The following NEURL1B variants were observed in gnomAD, a reference collection of about 807,000 sequenced individuals.
NEURL1B encodes the protein neuralized E3 ubiquitin protein ligase 1B, also known as E3 ubiquitin-protein ligase NEURL1B.
NEURL1B carries 13 observed loss-of-function variants against 37.4 expected under a neutral mutation model. The observed-to-expected ratio is 0.35, with a 90% CI of 0.23 to 0.55. The LOEUF (loss-of-function observed/expected upper bound fraction) is 0.55. Among genes scored for constraint, NEURL1B ranks in the 20% least tolerant of loss-of-function variants. The pLI is 0.89. For missense variants in NEURL1B, 790 were observed against 879.2 expected (o/e 0.90, Z 1.28); for synonymous variants, 432 against 426.6 (o/e 1.01, Z -0.16).
At position 172,691,155 on chromosome 5, in the gene NEURL1B, A is replaced by C. The variant is rs1758648905; in HGVS notation, c.*4230A>C. On this transcript the variant is annotated 3_prime_UTR_variant, in exon 5 of 5. Transcript: ENST00000369800. ...ATCCTTTTTAAAAGCAACTTTTAAA[A>C]GTGGATGGGGAGGGGGGCTAGCATA... 6.6e-6 allele frequency: 1 copy of C among 152,218 alleles called. No homozygotes were observed. Among genetic ancestry groups the C allele is most frequent in the African/African-American group, 2.4e-5 (1 of 41,458 alleles). 9.4% of individuals were successfully genotyped at this position (152,218 alleles called of 1,614,324 possible). A position where few individuals can be genotyped will look rare whatever the true frequency, so the allele number is the denominator to read the frequency against.
At position 172,691,218 on chromosome 5, in the gene NEURL1B, A is replaced by T. The variant is rs1758651229; in HGVS notation, c.*4293A>T. 1 of 152,096 alleles carries T rather than the reference A, an allele frequency of 6.6e-6. No individual in the cohort carries two copies. The highest frequency in any genetic ancestry group is 1.5e-5 in the Non-Finnish European group (1 of 68,026). 9.4% of individuals were successfully genotyped at this position (152,096 alleles called of 1,614,324 possible). A position where few individuals can be genotyped will look rare whatever the true frequency, so the allele number is the denominator to read the frequency against. ...CTAGAAATCTGTGGTCATCGCTGAAATCCTTTTTGCATCATGTTTTTTGAT... is the reference window on the plus strand; with the variant it reads ...CTAGAAATCTGTGGTCATCGCTGAATTCCTTTTTGCATCATGTTTTTTGAT... On this transcript the variant is annotated 3_prime_UTR_variant, in exon 5 of 5. Coordinates refer to ENST00000369800, the MANE Select transcript of NEURL1B (RefSeq NM_001142651.3).
At position 172,670,131 on chromosome 5, in the gene NEURL1B, G is replaced by C; in HGVS notation, c.378G>C (p.Pro126=). The C allele has an allele frequency of 6.6e-7, 1 of 1,513,410 alleles. No homozygotes were observed. Among genetic ancestry groups the C allele is most frequent in the South Asian group, 1.2e-5 (1 of 80,902 alleles). The allele number at this position is 1,513,410 out of a possible 1,614,324, so 93.7% of individuals were successfully genotyped here. A position where few individuals can be genotyped will look rare whatever the true frequency, so the allele number is the denominator to read the frequency against. ...CCTGCCCGGACCTGGTCACGCGGCCGGGCTACTGGGCCAAGGCACTGCCCG... is the reference window on the plus strand; with the variant it reads ...CCTGCCCGGACCTGGTCACGCGGCCCGGCTACTGGGCCAAGGCACTGCCCG... ...KYACPDLVTR[P]GYWAKALPEN... The change falls in exon 2 of 5, where the codon CCG becomes CCC. Residue 126 remains proline (P), a synonymous_variant. Transcript: ENST00000369800.
At chr5:172,673,920 C>T (rs1758179936) in intron 2 of NEURL1B, among the ~76,000 whole-genome samples, 1 of 151,954 alleles carries the variant, frequency 6.6e-6, no homozygotes, top group East Asian at 1.9e-4. Flanking sequence ...AGGCGGATCA[C>T]CTGAGGTCAG....
chr5:172,665,954 G>A lies in NEURL1B; in HGVS notation c.32-3831G>A, dbSNP rs190387142. On this transcript the variant is annotated intron_variant, in intron 1 of 4. Coordinates refer to ENST00000369800, the MANE Select transcript of NEURL1B (RefSeq NM_001142651.3). The surrounding 1 kb of genome is among the most constrained non-coding windows in gnomAD (Gnocchi z 4.1). ...GAAGGCAGGATGTGTGTGATCTGCA[G>A]AAAGAATAACTGGATGAAGAAATGA... is the stretch of plus-strand genomic sequence containing the variant. 1.3e-5 allele frequency among the ~76,000 whole-genome samples: 2 copies of A among 152,296 alleles called. No individual in the cohort carries two copies. The highest frequency in any genetic ancestry group is 1.3e-4 in the Admixed American group (2 of 15,302).
rs1000578737 is a variant in NEURL1B, at chr5:172,687,042, G to A, written c.*117G>A. 8.9e-6 allele frequency: 11 copies of A among 1,241,926 alleles called. No individual in the cohort carries two copies. Among genetic ancestry groups the A allele is most frequent in the African/African-American group, 3.0e-5 (2 of 66,500 alleles). The allele number at this position is 1,241,926 out of a possible 1,614,324, so 76.9% of individuals were successfully genotyped here. ...GGCAGCGGCCATCTCTCCAGTGGTG[G>A]GCAAGGTGTGACAGTCGTGGAGCGA... On this transcript the variant is annotated 3_prime_UTR_variant, in exon 5 of 5. Transcript: ENST00000369800.
At chr5:172,659,988 G>A (rs1179361677) in intron 1 of NEURL1B, among the ~76,000 whole-genome samples, 1 of 152,242 alleles carries the variant, frequency 6.6e-6, no homozygotes, top group African/African-American at 2.4e-5. Flanking sequence ...CCTTGCAGCT[G>A]GTCTCAGCTC....
rs1757584694 is a variant in NEURL1B, at chr5:172,647,680, AAATG to A, written c.31+6246_31+6249del. Among the ~76,000 whole-genome samples, 1 of 152,084 alleles carries A rather than the reference AAATG, an allele frequency of 6.6e-6. No individual in the cohort carries two copies. The highest frequency in any genetic ancestry group is 2.1e-4 in the South Asian group (1 of 4,824). ...GAATTACTTCTGTCCACAGCCGCCAAAATGAAGCTGTGCCTAGAGAAGCCCCCTG... is the reference window on the plus strand; with the variant it reads ...GAATTACTTCTGTCCACAGCCGCCAAAAGCTGTGCCTAGAGAAGCCCCCTG... On this transcript the variant is annotated intron_variant, in intron 1 of 4. Transcript: ENST00000369800. The surrounding 1 kb of genome is among the most constrained non-coding windows in gnomAD (Gnocchi z 4.2).
chr5:172,649,011 C>G (rs141590366), intron 1 of NEURL1B, among the ~76,000 whole-genome samples: 4 of 152,332 alleles, frequency 2.6e-5, no homozygotes, highest in African/African-American at 9.6e-5. Context: ...CTGTGGTGGC[C>G]TGAGAGCTGC....
At position 172,687,238 on chromosome 5, in the gene NEURL1B, G is replaced by T. The variant is rs1758523182; in HGVS notation, c.*313G>T. 1 of 289,700 alleles carries T rather than the reference G, an allele frequency of 3.5e-6. No homozygotes were observed. Among genetic ancestry groups the T allele is most frequent in the Non-Finnish European group, 6.6e-6 (1 of 151,832 alleles). The allele number at this position is 289,700 out of a possible 1,614,324, so 17.9% of individuals were successfully genotyped here. On this transcript the variant is annotated 3_prime_UTR_variant, in exon 5 of 5. Coordinates refer to ENST00000369800, the MANE Select transcript of NEURL1B (RefSeq NM_001142651.3). ...CTGTCTGTGCAATGCTTCTTGCTGG[G>T]GTTGGGTTGAGTGTGAGAGAAGGGG...
At chr5:172,659,042 C>T (rs866512267) in intron 1 of NEURL1B, among the ~76,000 whole-genome samples, 3 of 136,404 alleles carry the variant, frequency 2.2e-5, no homozygotes, top group African/African-American at 7.9e-5. Flanking sequence ...CCGCCCCCCC[C>T]CCCCCAAAGC....
intron 1 of NEURL1B, chr5:172,662,041 C>A (rs1370523132): frequency 6.6e-6 from 1 of 152,212 alleles, no homozygotes; most frequent in African/African-American, 2.4e-5. Context: ...TTCCCAGCTG[C>A]CACAGGTAGG....
intron 1 of NEURL1B, among the ~76,000 whole-genome samples, chr5:172,651,775 C>G (rs1286985441): frequency 2.0e-5 from 3 of 152,204 alleles, no homozygotes; most frequent in Non-Finnish European, 4.4e-5. Flanking sequence ...GACTCAAATC[C>G]TGCAGCTATT....
chr5:172,686,612 G>C lies in NEURL1B; in HGVS notation c.1424-69G>C. The C allele has an allele frequency of 1.3e-6, 2 of 1,486,054 alleles. No homozygotes were observed. Among genetic ancestry groups the C allele is most frequent in the South Asian group, 2.5e-5 (2 of 78,580 alleles). The allele number at this position is 1,486,054 out of a possible 1,614,324, so 92.1% of individuals were successfully genotyped here. On this transcript the variant is annotated intron_variant, in intron 4 of 4. Coordinates refer to ENST00000369800, the MANE Select transcript of NEURL1B (RefSeq NM_001142651.3). The surrounding 1 kb of genome is among the most constrained non-coding windows in gnomAD (Gnocchi z 7.9). Reference sequence around the variant, plus strand: ...TCCCAGCAAGAAGCCCTGCATTCTCGGGGTTGCCCCAACAGAGCCCACCTG... The same window carrying C: ...TCCCAGCAAGAAGCCCTGCATTCTCCGGGTTGCCCCAACAGAGCCCACCTG...
intron 1 of NEURL1B, among the ~76,000 whole-genome samples, chr5:172,666,069 C>G (rs1379965808): frequency 6.6e-6 from 1 of 152,184 alleles, no homozygotes; most frequent in African/African-American, 2.4e-5. Context: ...CAACAGGCAG[C>G]CTCTTGCCTC....
Position 172,686,205 on chromosome 5 carries a change from A to G in NEURL1B, c.1332A>G (p.Pro444=), listed in dbSNP as rs1186246155. The G allele has an allele frequency of 2.6e-6, 4 of 1,551,568 alleles. No individual in the cohort carries two copies. Among genetic ancestry groups the G allele is most frequent in the African/African-American group, 1.4e-5 (1 of 73,074 alleles). ...AGTCCAGCCCTGCGACCACGACTCCATCAGGGTCCCTCAGCGGCTCCCAGG... is the reference window on the plus strand; with the variant it reads ...AGTCCAGCCCTGCGACCACGACTCCGTCAGGGTCCCTCAGCGGCTCCCAGG... ...TLQSSPATTT[P]SGSLSGSQDD... Residue 444 remains proline (P), a synonymous_variant, in exon 4 of 5, where the codon CCA becomes CCG. Transcript: ENST00000369800. This position sits in a 1 kb window ranked among gnomAD's most constrained non-coding sequence, Gnocchi z 7.9.
In NEURL1B at chr5:172,684,072, AC is replaced by A; in HGVS notation, c.1233del (p.Thr412ArgfsTer48). On this transcript the variant is annotated frameshift_variant, in exon 3 of 5. Transcript: ENST00000369800. LOFTEE classifies it high-confidence loss of function. ...GCGCGGCCGCCTGCTGTGCGTCGAC[AC>A]CACGCAGGCGCTCTGGGCCTTCTTC... ...RPRGRLLCVD[T>X]TQALWAFFAV... The A allele has an allele frequency of 7.6e-7, 1 of 1,319,260 alleles. No homozygotes were observed. Among genetic ancestry groups the A allele is most frequent in the Non-Finnish European group, 9.7e-7 (1 of 1,033,834 alleles). The allele number at this position is 1,319,260 out of a possible 1,614,324, so 81.7% of individuals were successfully genotyped here.
intron 2 of NEURL1B, 98 bp downstream of exon 2, chr5:172,670,428 C>A (rs1031666997): frequency 1.8e-5 from 18 of 1,010,266 alleles, no homozygotes; most frequent in Middle Eastern, 3.1e-4. Flanking sequence ...ATGGAGAGCT[C>A]CTTTTGCCAG....
At chr5:172,673,750 C>A (rs1758175525) in intron 2 of NEURL1B, among the ~76,000 whole-genome samples, 1 of 147,754 alleles carries the variant, frequency 6.8e-6, no homozygotes, top group Admixed American at 6.8e-5. Flanking sequence ...AGGCTCATGC[C>A]TGGCTAATTA....
chr5:172,671,952 G>A (rs1167702959), intron 2 of NEURL1B, among the ~76,000 whole-genome samples: 2 of 152,254 alleles, frequency 1.3e-5, no homozygotes, highest in African/African-American at 4.8e-5. Context: ...CCAGCTGTGT[G>A]GCCTTGGCCA....
Sources: allele counts gnomAD v4.1 joint callset (sites outside exome capture counted in the v4.1 genomes callset), GRCh38; gene constraint gnomAD v4.1.1; non-coding constraint Gnocchi (gnomAD v3.1); transcripts MANE v1.5; gene names NCBI Gene and HGNC (gene_info 2026-07-23, HGNC 2026-07-21).